Variants in NID1 observed in about 807,000 individuals in gnomAD.
NID1 encodes nidogen-1.
In NID1, 76 loss-of-function variants were observed where a neutral mutation model predicts 130.6. That is an observed-to-expected ratio of 0.58 (90% CI 0.48 to 0.70). The LOEUF (loss-of-function observed/expected upper bound fraction) is 0.70. NID1 is among the 30% of genes least tolerant of loss of function. The probability of loss-of-function intolerance (pLI) is 0.00; values close to 1 mark genes in which losing one functional copy is unlikely to be tolerated. For synonymous variants in NID1, 665 were observed against 675.1 expected (o/e 0.98, Z 0.23); for missense variants, 1,517 against 1,664.8 (o/e 0.91, Z 1.54).
chr1:236,052,932 C>T (rs907608475), intron 1 of NID1, among the ~76,000 whole-genome samples: 1 of 152,196 alleles, frequency 6.6e-6, no homozygotes, highest in Non-Finnish European at 1.5e-5. Flanking sequence ...TACAAATGAT[C>T]ACAGAATGAA....
At position 236,032,586 on chromosome 1, in the gene NID1, A is replaced by G. The variant is rs768223412; in HGVS notation, c.1352T>C (p.Ile451Thr). Residue 451 changes from isoleucine (I) to threonine (T), a missense_variant, in exon 6 of 20, where the codon ATT (isoleucine) becomes ACT (threonine). By Grantham distance (89) the Ile-to-Thr change is moderately conservative. Coordinates refer to ENST00000264187, the MANE Select transcript of NID1 (RefSeq NM_002508.3). ...GTGGAGGTCAGTGTTCTCAAAGACAATGGGGACCTGGCTGCTCCCCACAAA... is the reference window on the plus strand; with the variant it reads ...GTGGAGGTCAGTGTTCTCAAAGACAGTGGGGACCTGGCTGCTCCCCACAAA... ...RIFVGSSQVP[I>T]VFENTDLHSY... 5 of 1,614,142 alleles carry G rather than the reference A, an allele frequency of 3.1e-6. No homozygotes were observed. Among genetic ancestry groups the G allele is most frequent in the East Asian group, 2.2e-5 (1 of 44,888 alleles).
intron 3 of NID1, among the ~76,000 whole-genome samples, chr1:236,043,922 A>G (rs2102841787): frequency 6.6e-6 from 1 of 152,376 alleles, no homozygotes; most frequent in East Asian, 1.9e-4. Context: ...TACAAAATCC[A>G]AAAGCATTTT....
intron 10 of NID1, among the ~76,000 whole-genome samples, chr1:236,015,711 C>A (rs1261877047): frequency 1.3e-5 from 2 of 151,426 alleles, no homozygotes; most frequent in African/African-American, 4.9e-5. Flanking sequence ...CTGCCCACAG[C>A]TGGCCTGTGT....
intron 9 of NID1, among the ~76,000 whole-genome samples, chr1:236,022,430 C>T (rs1658793135): frequency 6.7e-6 from 1 of 148,746 alleles, no homozygotes; most frequent in South Asian, 2.2e-4. Context: ...TCTCTACCTC[C>T]CAGGCTCAAG....
chr1:236,053,574 C>T (rs1659820545), intron 1 of NID1, among the ~76,000 whole-genome samples: 1 of 152,152 alleles, frequency 6.6e-6, no homozygotes, highest in Non-Finnish European at 1.5e-5. Context: ...TCCTTCCACT[C>T]ACTCTTTTTT....
chr1:235,980,356 TA>T, intron 17 of NID1, 139 bp downstream of exon 17: 1 of 807,718 alleles, frequency 1.2e-6, no homozygotes, highest in Non-Finnish European at 1.9e-6. Flanking sequence ...ATGTACCAGA[TA>T]AAACCGTAAA....
rs1659316867 is a variant in NID1, at chr1:236,038,177, C to T, written c.1212G>A (p.Arg404=). ...TGCAGCAGAAGCCCGTGGCGTAGTC[C>T]CTGCACTCTGCGTGCACCGAGCACT... ...RHQCSVHAEC[R]DYATGFCCSC... is the part of the protein sequence containing the mutation. Residue 404 remains arginine (R), a synonymous_variant, in exon 5 of 20, where the codon AGG becomes AGA. Coordinates refer to ENST00000264187, the MANE Select transcript of NID1 (RefSeq NM_002508.3). 6.2e-7 allele frequency: 1 copy of T among 1,613,428 alleles called. No homozygotes were observed. The highest frequency in any genetic ancestry group is 1.3e-5 in the African/African-American group (1 of 75,062).
chr1:236,032,825 A>G (rs922804360), intron 5 of NID1, among the ~76,000 whole-genome samples, 173 bp from the exon 6 acceptor site: 12 of 152,106 alleles, frequency 7.9e-5, no homozygotes, highest in African/African-American at 2.9e-4. Context: ...ACTACCCACA[A>G]CTGTATGCTG....
At chr1:235,991,187 CCTT>C in intron 13 of NID1, 129 bp from the exon 14 acceptor site, 1 of 718,068 alleles carries the variant, frequency 1.4e-6, no homozygotes, top group Non-Finnish European at 2.1e-6. Flanking sequence ...GGTCACATCA[CCTT>C]CATGGCACCA....
At chr1:236,059,793 T>C (rs549438118) in intron 1 of NID1, among the ~76,000 whole-genome samples, 4 of 152,154 alleles carry the variant, frequency 2.6e-5, no homozygotes, top group Admixed American at 6.6e-5. Flanking sequence ...GCAAGTTTAT[T>C]AAGAAAGTAA....
At chr1:236,039,228 G>GT in intron 4 of NID1, among the ~76,000 whole-genome samples, 1 of 146,240 alleles carries the variant, frequency 6.8e-6, no homozygotes, top group Non-Finnish European at 1.5e-5. Context: ...ATAATTATAT[G>GT]ATATAATTTT....
intron 15 of NID1, among the ~76,000 whole-genome samples, chr1:235,984,499 C>A (rs575600991): frequency 4.6e-5 from 7 of 152,296 alleles, no homozygotes; most frequent in African/African-American, 1.7e-4. Context: ...ATAGAAAAAA[C>A]TACATTCAGT....
chr1:236,026,206 A>G, intron 7 of NID1, 65 bp from the exon 8 acceptor site: 1 of 1,590,266 alleles, frequency 6.3e-7, no homozygotes, highest in Non-Finnish European at 8.6e-7. Flanking sequence ...TAAGGATGCA[A>G]GAAGCTGAAT....
intron 9 of NID1, among the ~76,000 whole-genome samples, chr1:236,019,323 C>T (rs1347275991): frequency 1.3e-5 from 2 of 152,256 alleles, no homozygotes; most frequent in Admixed American, 6.5e-5. Context: ...ACTCCCAGCA[C>T]AGATGTCTGG....
intron 15 of NID1, among the ~76,000 whole-genome samples, chr1:235,982,351 G>A (rs1239182216): frequency 6.6e-6 from 1 of 152,190 alleles, no homozygotes; most frequent in African/African-American, 2.4e-5. Context: ...ATGAAGGTAG[G>A]AGGCCATGTT....
chr1:236,063,797 A>T (rs1450880128), intron 1 of NID1, among the ~76,000 whole-genome samples: 1 of 152,142 alleles, frequency 6.6e-6, no homozygotes, highest in Non-Finnish European at 1.5e-5. Flanking sequence ...CTAAAAACTA[A>T]AATAAAAGCG....
At chr1:236,026,272 G>T in intron 7 of NID1, 131 bp from the exon 8 acceptor site, 1 of 1,131,240 alleles carries the variant, frequency 8.8e-7, no homozygotes, top group Non-Finnish European at 1.3e-6. Flanking sequence ...CCAGATGACA[G>T]ACCAGACAGA....
At chr1:235,982,100 G>A (rs987784022) in intron 15 of NID1, among the ~76,000 whole-genome samples, 2 of 152,192 alleles carry the variant, frequency 1.3e-5, no homozygotes, top group Non-Finnish European at 2.9e-5. Flanking sequence ...AGGTCCTATG[G>A]GAGCCTGGAG....
rs770413790 is a variant in NID1, at chr1:235,990,926, G to A, written c.2888C>T (p.Thr963Ile). ...KIERLPLEGN[T>I]MRKTEAKAFL... ...CGCCTTTGCTTCTGTCTTCCTCATG[G>A]TATTTCCCTCCAGGGGCAGGCGCTC... is the stretch of plus-strand genomic sequence containing the variant. Residue 963 changes from threonine (T) to isoleucine (I), a missense_variant, in exon 14 of 20, where the codon ACC (threonine) becomes ATC (isoleucine). Physicochemically the swap from Thr to Ile is moderately conservative, Grantham distance 89. Around this residue, in one of 3 missense-constraint regions of NID1, gnomAD observed 1,329 missense variants for 1,429.2 expected, o/e 0.93. Transcript: ENST00000264187. 2 of 1,614,134 alleles carry A rather than the reference G, an allele frequency of 1.2e-6. No homozygotes were observed. Among genetic ancestry groups the A allele is most frequent in the Admixed American group, 1.7e-5 (1 of 60,016 alleles).
Sources: gnomAD v4.1 joint callset for allele counts (sites outside exome capture counted in the v4.1 genomes callset) on GRCh38, gnomAD v4.1.1 for gene constraint, gnomAD v4.1.1 regional missense constraint, MANE v1.5 for transcripts, NCBI Gene and HGNC (gene_info 2026-07-23, HGNC 2026-07-21) for gene names.